The following TUT7 variants were observed in gnomAD, a reference collection of about 807,000 sequenced individuals.
The protein encoded by TUT7 is terminal uridylyltransferase 7.
TUT7 carries 33 observed loss-of-function variants against 165.9 expected under a neutral mutation model. The ratio of observed to expected loss-of-function variants is 0.20; its 90% CI spans 0.15 to 0.27. TUT7 has a LOEUF of 0.27. TUT7 is among the 10% of genes least tolerant of loss of function. The pLI is 1.00. For missense variants in TUT7, 1,338 were observed against 1,762.3 expected (o/e 0.76, Z 4.31); for synonymous variants, 552 against 608.1 (o/e 0.91, Z 1.36).
rs142251867 is a variant in TUT7, at chr9:86,353,166, G to A, written c.34C>T (p.Arg12Cys). ...GDTAKPYFVK[R>C]TKDRGTMDDD... Reference sequence around the variant, plus strand: ...TCCATAGTCCCCCGGTCTTTAGTGCGCTTCACGAAATAAGGTTTTGCTGTA... The same window carrying A: ...TCCATAGTCCCCCGGTCTTTAGTGCACTTCACGAAATAAGGTTTTGCTGTA... Residue 12 changes from arginine (R) to cysteine (C), a missense_variant, in exon 2 of 27, where the codon CGC becomes TGC. Arg to Cys is a radical substitution (Grantham distance 180, BLOSUM62 -3). Transcript: ENST00000375963. The A allele has an allele frequency of 5.3e-5, 85 of 1,591,934 alleles. No individual in the cohort carries two copies. Among genetic ancestry groups the A allele is most frequent in the Middle Eastern group, 3.4e-4 (2 of 5,930 alleles).
At chr9:86,331,474 AGAATATATTCCAT>A (rs1830309143) in intron 10 of TUT7, among the ~76,000 whole-genome samples, 2 of 152,212 alleles carry the variant, frequency 1.3e-5, no homozygotes, top group African/African-American at 4.8e-5. Context: ...GTCTGATGGT[AGAATATATTCCAT>A]CAATTTTTAT....
At position 86,323,022 on chromosome 9, in the gene TUT7, C is replaced by G; in HGVS notation, c.2728G>C (p.Glu910Gln). 6.2e-7 allele frequency: 1 copy of G among 1,614,126 alleles called. No individual in the cohort carries two copies. The highest frequency in any genetic ancestry group is 1.6e-4 in the Middle Eastern group (1 of 6,062). ...GCTCTTTCTACATGTTTTCCACATTCTTTCACGTCTTCATACTTAGCAGCT... is the reference window on the plus strand; with the variant it reads ...GCTCTTTCTACATGTTTTCCACATTGTTTCACGTCTTCATACTTAGCAGCT... ...GEAAKYEDVK[E>Q]CGKHVERALL... Residue 910 changes from glutamate to glutamine, a missense_variant, in exon 13 of 27, where the codon GAA (glutamate) becomes CAA (glutamine). Transcript: ENST00000375963.
At chr9:86,310,928 C>T in intron 17 of TUT7, 119 bp from the exon 18 acceptor site, 1 of 605,848 alleles carries the variant, frequency 1.7e-6, no homozygotes, top group South Asian at 2.1e-5. Flanking sequence ...TCATTGCATT[C>T]ATTAGGACTT....
intron 26 of TUT7, among the ~76,000 whole-genome samples, chr9:86,294,228 G>A (rs976584359): frequency 2.1e-5 from 3 of 144,008 alleles, no homozygotes; most frequent in Non-Finnish European, 4.5e-5. Context: ...AAAGAAAGGC[G>A]TATCTCCTAA....
At chr9:86,307,942 C>T (rs1827667150) in intron 22 of TUT7, among the ~76,000 whole-genome samples, 2 of 152,044 alleles carry the variant, frequency 1.3e-5, no homozygotes, top group East Asian at 1.9e-4. Flanking sequence ...TGCAGTGAGC[C>T]GAGATAGCGC....
At chr9:86,332,728 T>G (rs1369163245) in intron 10 of TUT7, among the ~76,000 whole-genome samples, 4 of 152,198 alleles carry the variant, frequency 2.6e-5, no homozygotes, top group Admixed American at 1.3e-4. Context: ...TCTGGTAATC[T>G]ATGCTTTTTA....
chr9:86,353,084 T>C lies in TUT7; in HGVS notation c.116A>G (p.His39Arg). 1.9e-6 allele frequency: 3 copies of C among 1,614,170 alleles called. No individual in the cohort carries two copies. Among genetic ancestry groups the C allele is most frequent in the Non-Finnish European group, 2.5e-6 (3 of 1,180,030 alleles). ...PQQDYLIIDD[H>R]AKGHGSKMEK... ...CATTTTACTGCCATGGCCTTTAGCA[T>C]GGTCATCTATTATTAAATAATCTTG... The change falls in exon 2 of 27, where the codon CAT (histidine) becomes CGT (arginine). Residue 39 changes from histidine to arginine, a missense_variant. By Grantham distance (29) the His-to-Arg change is conservative (BLOSUM62 0). This residue lies in a region of TUT7 where 434 missense variants were observed against 480.8 expected (regional missense o/e 0.90). Coordinates refer to ENST00000375963, the MANE Select transcript of TUT7 (RefSeq NM_024617.4).
chr9:86,312,245 A>C (rs1344658491), intron 17 of TUT7, among the ~76,000 whole-genome samples: 2 of 146,396 alleles, frequency 1.4e-5, no homozygotes, highest in Non-Finnish European at 3.0e-5. Context: ...CCATCGTCTG[A>C]GATGTGGGGA....
chr9:86,336,498 C>A (rs76958455), intron 10 of TUT7, among the ~76,000 whole-genome samples: 6 of 152,160 alleles, frequency 3.9e-5, no homozygotes, highest in African/African-American at 1.2e-4. Flanking sequence ...TTTATTCCCA[C>A]GGCCTGGTAG....
chr9:86,314,390 C>CAA (rs11369230), intron 17 of TUT7, among the ~76,000 whole-genome samples: 37 of 151,866 alleles, frequency 2.4e-4, no homozygotes, highest in South Asian at 1.5e-3. Context: ...GCTTTCAATG[C>CAA]AAAAAAACTG....
At chr9:86,347,426 C>T (rs1366554616) in intron 2 of TUT7, among the ~76,000 whole-genome samples, 1 of 152,148 alleles carries the variant, frequency 6.6e-6, no homozygotes, top group African/African-American at 2.4e-5. Flanking sequence ...CACATTAGTG[C>T]TTGGAAACAT....
At position 86,288,747 on chromosome 9, in the gene TUT7, A is replaced by G; in HGVS notation, c.4421-3T>C. On this transcript the variant is annotated splice_region_variant and splice_polypyrimidine_tract_variant and intron_variant, in intron 26 of 26. Transcript: ENST00000375963. Reference sequence around the variant, plus strand: ...CATATATTTACTGGAAAGGCTACCTAGAGGAGGGGAAGAAACAAAACCCAA... The same window carrying G: ...CATATATTTACTGGAAAGGCTACCTGGAGGAGGGGAAGAAACAAAACCCAA... 6.2e-7 allele frequency: 1 copy of G among 1,610,652 alleles called. No individual in the cohort carries two copies.
At chr9:86,299,771 A>G (rs1176489049) in intron 26 of TUT7, among the ~76,000 whole-genome samples, 1 of 152,176 alleles carries the variant, frequency 6.6e-6, no homozygotes, top group Admixed American at 6.5e-5. Context: ...GAAATTCATC[A>G]AAGCTGGGGC....
chr9:86,337,484 G>A lies in TUT7; in HGVS notation c.1390C>T (p.Leu464=), dbSNP rs779793682. The A allele has an allele frequency of 6.2e-7, 1 of 1,613,922 alleles. No individual in the cohort carries two copies. Among genetic ancestry groups the A allele is most frequent in the South Asian group, 1.1e-5 (1 of 91,070 alleles). Residue 464 remains leucine (L), a synonymous_variant, in exon 10 of 27, where the codon CTG becomes TTG. Coordinates refer to ENST00000375963, the MANE Select transcript of TUT7 (RefSeq NM_024617.4). The part of the protein sequence containing the change: ...EGGLPPYVFA[L]MAIFFLQQRK... ...TGCTGAAGAAAGAAAATGGCCATCA[G>A]GGCAAACACATAAGGTGGCAGACCT...
chr9:86,305,065 G>A (rs1827334606), intron 23 of TUT7, 118 bp from the exon 24 acceptor site: 3 of 1,177,396 alleles, frequency 2.5e-6, no homozygotes, highest in Non-Finnish European at 3.6e-6. Flanking sequence ...GGAGGCTGGG[G>A]TAGGTGGATC....
chr9:86,293,032 AAT>A (rs778970757), intron 26 of TUT7, among the ~76,000 whole-genome samples: 9 of 152,352 alleles, frequency 5.9e-5, no homozygotes, highest in Non-Finnish European at 1.2e-4. Context: ...ATTTTTATAT[AAT>A]ATAGAGGAAT....
intron 10 of TUT7, among the ~76,000 whole-genome samples, chr9:86,332,149 A>C (rs1830376048): frequency 6.6e-6 from 1 of 152,184 alleles, no homozygotes. Context: ...AAAGAGCTAA[A>C]AGCAGAACTA....
intron 4 of TUT7, among the ~76,000 whole-genome samples, 173 bp from the exon 5 acceptor site, chr9:86,345,327 T>A (rs1209844724): frequency 6.6e-6 from 1 of 152,196 alleles, no homozygotes; most frequent in African/African-American, 2.4e-5. Context: ...GCACATAATG[T>A]GGATCAGTGG....
chr9:86,314,730 T>C (rs746517807), intron 17 of TUT7, among the ~76,000 whole-genome samples: 1 of 152,180 alleles, frequency 6.6e-6, no homozygotes, highest in Non-Finnish European at 1.5e-5. Context: ...AAACCTTATG[T>C]TATGCTTTTA....
Sources: allele counts gnomAD v4.1 joint callset (sites outside exome capture counted in the v4.1 genomes callset), GRCh38; gene constraint gnomAD v4.1.1; regional missense constraint gnomAD v4.1.1; transcripts MANE v1.5; gene names NCBI Gene and HGNC (gene_info 2026-07-23, HGNC 2026-07-21).